Variants in METTL8 observed in about 807,000 individuals in gnomAD.
The protein encoded by METTL8 is methyltransferase 8, tRNA N3-cytidine.
Under a neutral mutation model 48.7 loss-of-function variants are expected in METTL8, and 32 were observed. The observed-to-expected ratio is 0.66, with a 90% CI of 0.50 to 0.88. METTL8 has a LOEUF of 0.88. METTL8 is among the 40% of genes least tolerant of loss of function. The pLI, the probability that METTL8 is intolerant of heterozygous loss-of-function variation, is 0.00. For synonymous variants in METTL8, 136 were observed against 157.1 expected (o/e 0.87, Z 1.01); for missense variants, 464 against 474.4 (o/e 0.98, Z 0.20).
At chr2:171,416,699 A>G (rs1222511790) in intron 1 of METTL8, among the ~76,000 whole-genome samples, 3 of 152,178 alleles carry the variant, frequency 2.0e-5, no homozygotes, top group Non-Finnish European at 4.4e-5. Context: ...ATCTTCAACT[A>G]TCCTGTAAGT....
At chr2:171,424,577 G>A (rs1692211747) in intron 1 of METTL8, among the ~76,000 whole-genome samples, 1 of 152,222 alleles carries the variant, frequency 6.6e-6, no homozygotes, top group African/African-American at 2.4e-5. Context: ...TTTAATGACT[G>A]CTCTATTGGA....
chr2:171,419,021 C>CAA (rs58215216), intron 1 of METTL8, among the ~76,000 whole-genome samples: 34 of 132,320 alleles, frequency 2.6e-4, no homozygotes, highest in African/African-American at 8.6e-4. Flanking sequence ...GACCCTGTCT[C>CAA]AAAAAAAAAA....
At chr2:171,328,121 G>A (rs1298687556) in intron 7 of METTL8, among the ~76,000 whole-genome samples, 2 of 152,118 alleles carry the variant, frequency 1.3e-5, no homozygotes, top group Non-Finnish European at 2.9e-5. Flanking sequence ...GTGGGCTGGG[G>A]GTGAGATGGA....
Position 171,315,858 on chromosome 2 carries a change from GCTTC to G in METTL8, c.*8310_*8313del. On this transcript the variant is annotated 3_prime_UTR_variant, in exon 10 of 10. Coordinates refer to ENST00000375258, the MANE Select transcript of METTL8 (RefSeq NM_001321154.2). ...AATGTTCAACTATGTAATAACCAAA[GCTTC>G]CTTAACTTGGGAATCTTGGGAACCT... Among the ~76,000 whole-genome samples, 1 of 152,294 alleles carries G rather than the reference GCTTC, an allele frequency of 6.6e-6. No homozygotes were observed. Among genetic ancestry groups the G allele is most frequent in the Admixed American group, 6.5e-5 (1 of 15,300 alleles).
chr2:171,430,955 A>T (rs1410299187), intron 1 of METTL8, among the ~76,000 whole-genome samples: 1 of 152,110 alleles, frequency 6.6e-6, no homozygotes, highest in Non-Finnish European at 1.5e-5. Context: ...GCATACTCAC[A>T]AACCAATCAG....
At chr2:171,416,606 G>GA (rs1691340136) in intron 1 of METTL8, among the ~76,000 whole-genome samples, 1 of 152,222 alleles carries the variant, frequency 6.6e-6, no homozygotes, top group Admixed American at 6.5e-5. Flanking sequence ...TACTCTGGTT[G>GA]AAAATCTGAG....
At chr2:171,332,811 AAGG>A (rs1301923112) in intron 5 of METTL8, 2 of 152,146 alleles carry the variant, frequency 1.3e-5, no homozygotes, top group Non-Finnish European at 2.9e-5. Flanking sequence ...AAAATTTCTG[AAGG>A]AGGAGGATGT....
chr2:171,410,707 G>A (rs1489651281), intron 1 of METTL8, among the ~76,000 whole-genome samples: 1 of 152,158 alleles, frequency 6.6e-6, no homozygotes, highest in Admixed American at 6.5e-5. Flanking sequence ...TGCTTTAGAA[G>A]AATACCTTTT....
At chr2:171,358,585 T>C (rs528546218) in intron 3 of METTL8, among the ~76,000 whole-genome samples, 63 of 152,078 alleles carry the variant, frequency 4.1e-4, no homozygotes, top group Non-Finnish European at 8.2e-4. Context: ...CAATAAATGG[T>C]GCTGGGATAA....
At position 171,412,597 on chromosome 2, in the gene METTL8, T is replaced by C. The variant is rs150164799; in HGVS notation, c.-12-20400A>G. On this transcript the variant is annotated intron_variant, in intron 1 of 9. Transcript: ENST00000375258. Reference sequence around the variant, plus strand: ...TATTTGCCTTAAAAAAAAAAAACACTGTAGTGCCATTTGCACCAATGGTGC... The same window carrying C: ...TATTTGCCTTAAAAAAAAAAAACACCGTAGTGCCATTTGCACCAATGGTGC... 6.6e-5 allele frequency among the ~76,000 whole-genome samples: 10 copies of C among 151,140 alleles called. No homozygotes were observed. The East Asian group carries it at 1.9e-3, about 29-fold the overall frequency.
chr2:171,431,181 A>T (rs1692975729), intron 1 of METTL8, among the ~76,000 whole-genome samples: 1 of 152,202 alleles, frequency 6.6e-6, no homozygotes, highest in Non-Finnish European at 1.5e-5. Flanking sequence ...TTGTGCACAT[A>T]AGGGAATTTG....
chr2:171,382,722 T>C (rs1419207482), intron 2 of METTL8, among the ~76,000 whole-genome samples: 1 of 150,444 alleles, frequency 6.6e-6, no homozygotes, highest in African/African-American at 2.4e-5. Context: ...AAAGTAAAAT[T>C]TAAAAAAAAA....
intron 1 of METTL8, among the ~76,000 whole-genome samples, chr2:171,402,600 C>A (rs1055325597): frequency 6.6e-6 from 1 of 152,082 alleles, no homozygotes; most frequent in Admixed American, 6.6e-5. Flanking sequence ...TGTATGTATA[C>A]ATTCATTAGT....
chr2:171,328,818 T>C (rs921342341), intron 7 of METTL8, among the ~76,000 whole-genome samples: 9 of 150,134 alleles, frequency 6.0e-5, no homozygotes, highest in Admixed American at 3.3e-4. Flanking sequence ...GCCTCCCAAG[T>C]AGCTGGGACT....
At position 171,320,731 on chromosome 2, in the gene METTL8, T is replaced by A. The variant is rs1684485711; in HGVS notation, c.*3441A>T. The A allele has an allele frequency of 6.6e-6, 1 of 152,256 alleles. No homozygotes were observed. The highest frequency in any genetic ancestry group is 1.5e-5 in the Non-Finnish European group (1 of 68,040). 9.4% of individuals were successfully genotyped at this position (152,256 alleles called of 1,614,324 possible). A position where few individuals can be genotyped will look rare whatever the true frequency, so the allele number is the denominator to read the frequency against. On this transcript the variant is annotated 3_prime_UTR_variant, in exon 10 of 10. Transcript: ENST00000375258. ...ATGTTTATATTTACTGACTTATGCA[T>A]GTTTAAACAGAAAGCTTGATAATTG... is the stretch of plus-strand genomic sequence containing the variant.
intron 1 of METTL8, among the ~76,000 whole-genome samples, chr2:171,414,978 C>T (rs891514571): frequency 1.3e-5 from 2 of 152,164 alleles, no homozygotes; most frequent in African/African-American, 2.4e-5. Flanking sequence ...CACATTCTCT[C>T]TCTTGCCTGC....
chr2:171,324,789 T>C (rs1292073037), intron 9 of METTL8, among the ~76,000 whole-genome samples: 1 of 152,148 alleles, frequency 6.6e-6, no homozygotes, highest in African/African-American at 2.4e-5. Flanking sequence ...TGGTTGGGCA[T>C]GGTGGCTCAC....
Position 171,325,921 on chromosome 2 carries a change from G to T in METTL8, c.968-15C>A. 7.0e-6 allele frequency: 11 copies of T among 1,560,872 alleles called. No homozygotes were observed. Among genetic ancestry groups the T allele is most frequent in the Non-Finnish European group, 9.7e-6 (11 of 1,138,106 alleles). On this transcript the variant is annotated splice_polypyrimidine_tract_variant and intron_variant, in intron 8 of 9. Coordinates refer to ENST00000375258, the MANE Select transcript of METTL8 (RefSeq NM_001321154.2). ...TAAACAATGTCCTGAAAAAAATTGT[G>T]AAAAGAGAAACTCTTAAGGGTATTC...
At chr2:171,339,920 C>T (rs1174152998) in intron 3 of METTL8, among the ~76,000 whole-genome samples, 2 of 152,192 alleles carry the variant, frequency 1.3e-5, no homozygotes, top group African/African-American at 2.4e-5. Flanking sequence ...AAGAAAGGTC[C>T]AGGCGCGGTG....
Sources: allele counts gnomAD v4.1 joint callset (sites outside exome capture counted in the v4.1 genomes callset), GRCh38; gene constraint gnomAD v4.1.1; transcripts MANE v1.5; gene names NCBI Gene and HGNC (gene_info 2026-07-23, HGNC 2026-07-21).